KNG1: variants seen among roughly 807,000 people sequenced by gnomAD.
KNG1 encodes the protein kininogen-1.
Under a neutral mutation model 47.8 loss-of-function variants are expected in KNG1, and 23 were observed. The ratio of observed to expected loss-of-function variants is 0.48; its 90% CI spans 0.35 to 0.68. KNG1 has a LOEUF of 0.68. Ranked by LOEUF, KNG1 falls within the 30% of genes least tolerant of loss-of-function variation. The pLI is 0.01. For synonymous variants in KNG1, 277 were observed against 277.0 expected (o/e 1.00, Z 0.00); for missense variants, 762 against 790.2 (o/e 0.96, Z 0.43).
chr3:186,720,805 T>TTTTTTTTTTTTTTTG (rs1553790786), intron 2 of KNG1, among the ~76,000 whole-genome samples: 1 of 139,986 alleles, frequency 7.1e-6, no homozygotes, highest in African/African-American at 2.8e-5. Flanking sequence ...TTTTTTTTTT[T>TTTTTTTTTTTTTTTG]TTGAGCCAGA....
At chr3:186,731,663 G>C in intron 6 of KNG1, 34 bp downstream of exon 6, 1 of 1,323,662 alleles carries the variant, frequency 7.6e-7, no homozygotes. Context: ...CCGCAATAGA[G>C]GAATAGTGGT....
At chr3:186,722,376 T>C in intron 2 of KNG1, 61 bp from the exon 3 acceptor site, 1 of 1,316,584 alleles carries the variant, frequency 7.6e-7, no homozygotes, top group South Asian at 1.2e-5. Flanking sequence ...TTAGCAACAG[T>C]ATTAGGTAGA....
intron 1 of KNG1, 174 bp downstream of exon 1, chr3:186,717,911 C>T (rs1380067074): frequency 1.8e-6 from 1 of 554,550 alleles, no homozygotes. Context: ...CCACCACCAC[C>T]ACCATCCACC....
chr3:186,722,667 G>A (rs1367688526), intron 3 of KNG1, 146 bp downstream of exon 3: 18 of 711,162 alleles, frequency 2.5e-5, no homozygotes, highest in South Asian at 1.9e-4. Flanking sequence ...TGGGTGGAGC[G>A]GCAGAGCCCG....
At chr3:186,740,983 T>TG (rs144930535) in intron 9 of KNG1, among the ~76,000 whole-genome samples, 8,915 of 151,902 alleles carry the variant, frequency 0.059, 432 homozygotes, top group African/African-American at 0.13. Context: ...TTGTTTTTTT[T>TG]TTGTTGTTGT....
Position 186,741,762 on chromosome 3 carries a change from C to T in KNG1, c.1366C>T (p.Gln456Ter). Residue 456 changes from glutamine to a stop codon, truncating the protein, a stop_gained, in exon 10 of 10, where the codon CAA becomes TAA. Coordinates refer to ENST00000644859, the MANE Select transcript of KNG1 (RefSeq NM_001102416.3). LOFTEE classifies it low-confidence loss of function (END_TRUNC). ...KHERDQGHGH[Q>*]RGHGLGHGHE... ...TGAACGTGACCAAGGGCATGGGCAC[C>T]AAAGAGGACATGGCCTTGGCCATGG... 1 of 1,614,126 alleles carries T rather than the reference C, an allele frequency of 6.2e-7. No homozygotes were observed. Among genetic ancestry groups the T allele is most frequent in the South Asian group, 1.1e-5 (1 of 91,060 alleles).
At chr3:186,737,613 G>A (rs1720700997) in intron 7 of KNG1, among the ~76,000 whole-genome samples, 1 of 152,036 alleles carries the variant, frequency 6.6e-6, no homozygotes, top group South Asian at 2.1e-4. Flanking sequence ...CTTGAGTGTA[G>A]TGGCGTGATC....
chr3:186,737,785 C>T (rs1000761337), intron 7 of KNG1, among the ~76,000 whole-genome samples: 2 of 152,012 alleles, frequency 1.3e-5, no homozygotes, highest in Non-Finnish European at 2.9e-5. Context: ...GTCTCGAACC[C>T]CTGACCTCAG....
chr3:186,730,715 T>TAC (rs1198252081), intron 5 of KNG1, among the ~76,000 whole-genome samples: 27 of 109,452 alleles, frequency 2.5e-4, no homozygotes, highest in Middle Eastern at 5.3e-3. Flanking sequence ...TATATATATA[T>TAC]ACACACACAC....
intron 3 of KNG1, 92 bp from the exon 4 acceptor site, chr3:186,724,996 C>T (rs890447957): frequency 9.5e-5 from 133 of 1,403,220 alleles, no homozygotes; most frequent in Non-Finnish European, 1.2e-4. Flanking sequence ...CAGGCATGAG[C>T]CACCACGCCC....
intron 2 of KNG1, chr3:186,722,115 C>T (rs1381609406): frequency 1.6e-5 from 2 of 126,644 alleles, no homozygotes; most frequent in African/African-American, 2.2e-4. Flanking sequence ...AACACTCTGT[C>T]TCAAAAAAAA....
rs1459436451 is a variant in KNG1 at position 186,741,556 on chromosome 3, C to T, written c.1160C>T (p.Pro387Leu). ...SLMKRPPGFSPFRSSRIGEIK... is the reference protein window; with the variant it reads ...SLMKRPPGFSLFRSSRIGEIK... ...ATGAAAAGGCCTCCAGGTTTTTCAC[C>T]TTTCCGATCATCACGAATAGGGGAA... Residue 387 changes from proline (P) to leucine (L), a missense_variant, in exon 10 of 10, where the codon CCT becomes CTT. Pro to Leu is a moderately conservative substitution (Grantham distance 98). Coordinates refer to ENST00000644859, the MANE Select transcript of KNG1 (RefSeq NM_001102416.3). The T allele has an allele frequency of 1.9e-6, 3 of 1,609,444 alleles. No homozygotes were observed. The highest frequency in any genetic ancestry group is 8.5e-7 in the Non-Finnish European group (1 of 1,178,862).
rs548695926 is a variant in KNG1, at chr3:186,743,667, G to A, written c.*1336G>A. 2.0e-6 allele frequency: 3 copies of A among 1,481,316 alleles called. No homozygotes were observed. The highest frequency in any genetic ancestry group is 2.3e-5 in the East Asian group (1 of 44,230). 91.8% of individuals were successfully genotyped at this position (1,481,316 alleles called of 1,614,324 possible). A position where few individuals can be genotyped will look rare whatever the true frequency, so the allele number is the denominator to read the frequency against. On this transcript the variant is annotated 3_prime_UTR_variant, in exon 10 of 10. Transcript: ENST00000644859. ...CTCCACTTTTTAAAAATGATTGAATGATAACATCATATTAACTGCGTTTTA... is the reference window on the plus strand; with the variant it reads ...CTCCACTTTTTAAAAATGATTGAATAATAACATCATATTAACTGCGTTTTA...
Position 186,722,517 on chromosome 3 carries a change from TCCAGGTGGCTGGTTTATC to T in KNG1, c.389_391+15del. On this transcript the variant is annotated splice_donor_variant and splice_donor_5th_base_variant and coding_sequence_variant and intron_variant, in exon 3 of 10. Transcript: ENST00000644859. LOFTEE classifies it high-confidence loss of function. ...TGGCTACCCAGACCTGCCAGATTAC[TCCAGGTGGCTGGTTTATC>T]CTCTGGCACTGCCCTGGTGGGAAAT... is the stretch of plus-strand genomic sequence containing the variant. The T allele has an allele frequency of 6.2e-7, 1 of 1,611,288 alleles. No homozygotes were observed. The highest frequency in any genetic ancestry group is 1.7e-4 in the Middle Eastern group (1 of 6,010).
intron 5 of KNG1, among the ~76,000 whole-genome samples, chr3:186,730,369 T>C (rs1338215859): frequency 6.6e-6 from 1 of 151,876 alleles, no homozygotes; most frequent in Non-Finnish European, 1.5e-5. Context: ...ATTAAAAATA[T>C]TTGTATGATA....
intron 2 of KNG1, chr3:186,722,003 T>C (rs1720213431): frequency 5.7e-6 from 1 of 175,472 alleles, no homozygotes; most frequent in South Asian, 1.2e-4. Flanking sequence ...TAATCCCAGC[T>C]ACTTGGGAGG....
rs750873145 is a variant in KNG1, at chr3:186,744,034, A to G, written c.*1703A>G. 2 of 536,840 alleles carry G rather than the reference A, an allele frequency of 3.7e-6. No homozygotes were observed. The highest frequency in any genetic ancestry group is 2.9e-5 in the Admixed American group (1 of 34,222). 33.3% of individuals were successfully genotyped at this position (536,840 alleles called of 1,614,324 possible). Reference sequence around the variant, plus strand: ...AGAGAGTCAGTGCTGTGGCTCTGCCATGGAGGCTCATAACCCAACACTGGA... The same window carrying G: ...AGAGAGTCAGTGCTGTGGCTCTGCCGTGGAGGCTCATAACCCAACACTGGA... On this transcript the variant is annotated 3_prime_UTR_variant, in exon 10 of 10. Coordinates refer to ENST00000644859, the MANE Select transcript of KNG1 (RefSeq NM_001102416.3).
At chr3:186,738,668 G>A (rs979346684) in intron 7 of KNG1, 6 of 190,754 alleles carry the variant, frequency 3.1e-5, no homozygotes, top group African/African-American at 1.4e-4. Flanking sequence ...CCAACATGGA[G>A]AAACCCCATC....
intron 1 of KNG1, 39 bp from the exon 2 acceptor site, chr3:186,720,066 C>A: frequency 7.6e-7 from 1 of 1,311,352 alleles, no homozygotes; most frequent in South Asian, 1.2e-5. Context: ...GCTGTTGGGT[C>A]AGTTGGATGA....
Sources: allele counts gnomAD v4.1 joint callset (sites outside exome capture counted in the v4.1 genomes callset), GRCh38; gene constraint gnomAD v4.1.1; transcripts MANE v1.5; gene names NCBI Gene and HGNC (gene_info 2026-07-23, HGNC 2026-07-21).